WDHD1: variants seen among roughly 807,000 people sequenced by gnomAD.
WDHD1 encodes the protein WD repeat and HMG-box DNA binding protein 1.
In WDHD1, 111 loss-of-function variants were observed where a neutral mutation model predicts 135.4. The observed-to-expected ratio is 0.82, with a 90% CI of 0.70 to 0.96. WDHD1 has a LOEUF of 0.96. WDHD1 is among the 40% of genes least tolerant of loss of function. The pLI is 0.00. For missense variants in WDHD1, 1,351 were observed against 1,336.3 expected (o/e 1.01, Z -0.17); for synonymous variants, 434 against 439.0 (o/e 0.99, Z 0.14).
rs1448698525 is a variant in WDHD1 at position 55,007,703 on chromosome 14, AT to A, written c.505-329del. ...AAAAATAAAACTTCAATGGTCTACT[AT>A]AAAATGTTAAAGTGTCAAAGTCGCT... is the stretch of plus-strand genomic sequence containing the variant. On this transcript the variant is annotated intron_variant, in intron 6 of 25. Coordinates refer to ENST00000360586, the MANE Select transcript of WDHD1 (RefSeq NM_007086.4). Among the ~76,000 whole-genome samples the A allele has an allele frequency of 9.2e-5, 14 of 152,364 alleles. No homozygotes were observed. The East Asian group carries it at 2.7e-3, about 29-fold the overall frequency.
Position 54,939,582 on chromosome 14 carries a change from T to A in WDHD1, c.*1908A>T, listed in dbSNP as rs1269004804. The A allele has an allele frequency of 7.6e-5, 1 of 13,090 alleles. No individual in the cohort carries two copies. Among genetic ancestry groups the A allele is most frequent in the African/African-American group, 2.2e-4 (1 of 4,564 alleles). 0.8% of individuals were successfully genotyped at this position (13,090 alleles called of 1,614,324 possible). On this transcript the variant is annotated 3_prime_UTR_variant, in exon 26 of 26. Coordinates refer to ENST00000360586, the MANE Select transcript of WDHD1 (RefSeq NM_007086.4). ...CTTTCATACTATTCAGTCCCAATTC[T>A]CTGGAAAAAAAAAAAAGAACACTGG...
At chr14:55,005,714 T>C (rs1248376862) in intron 7 of WDHD1, 4 of 454,102 alleles carry the variant, frequency 8.8e-6, no homozygotes, top group African/African-American at 2.0e-5. Context: ...TAAGTTACGA[T>C]GGGAATCCAG....
chr14:55,024,672 T>C (rs929277695), intron 2 of WDHD1, among the ~76,000 whole-genome samples: 13 of 150,138 alleles, frequency 8.7e-5, no homozygotes, highest in Admixed American at 2.7e-4. Flanking sequence ...TGTTAATCTA[T>C]AACCTTACCC....
intron 4 of WDHD1, 107 bp downstream of exon 4, chr14:55,010,202 C>T: frequency 3.3e-6 from 4 of 1,216,760 alleles, no homozygotes. Context: ...GAAGAAACAA[C>T]AAACAACAAA....
chr14:54,992,101 T>C (rs897005522), intron 11 of WDHD1, among the ~76,000 whole-genome samples: 4 of 150,786 alleles, frequency 2.7e-5, no homozygotes, highest in African/African-American at 9.8e-5. Flanking sequence ...CTACTGAAAA[T>C]ACAAAAATTA....
At chr14:54,957,659 C>T (rs768469483) in intron 21 of WDHD1, 24 bp from the exon 22 acceptor site, 5 of 1,593,914 alleles carry the variant, frequency 3.1e-6, no homozygotes, top group Middle Eastern at 1.7e-4. Context: ...GAAACCCTTG[C>T]TTAATAATGG....
chr14:54,995,694 T>G lies in WDHD1; in HGVS notation c.1062A>C (p.Ile354=). 6.2e-7 allele frequency: 1 copy of G among 1,613,908 alleles called. No homozygotes were observed. Among genetic ancestry groups the G allele is most frequent in the Non-Finnish European group, 8.5e-7 (1 of 1,179,936 alleles). The change falls in exon 11 of 26, where the codon ATA becomes ATC. Residue 354 remains isoleucine, a synonymous_variant. Coordinates refer to ENST00000360586, the MANE Select transcript of WDHD1 (RefSeq NM_007086.4). The part of the protein sequence containing the change: ...VEIPSFSKGI[I]NDDEDDEDLM... ...GGTCTTCATCATCCTCATCATCATT[T>G]ATAATCCCTTTTGAAAAAGAAGGGA...
intron 7 of WDHD1, among the ~76,000 whole-genome samples, chr14:55,007,025 G>T (rs1045360299): frequency 6.6e-6 from 1 of 151,778 alleles, no homozygotes; most frequent in African/African-American, 2.4e-5. Flanking sequence ...TCAGGAGTTC[G>T]AGACCAGCCT....
intron 2 of WDHD1, 58 bp from the exon 3 acceptor site, chr14:55,013,654 C>A (rs2042212007): frequency 5.9e-6 from 8 of 1,357,254 alleles, no homozygotes; most frequent in Admixed American, 1.7e-5. Context: ...GCCTATAATG[C>A]TAGCACTTTG....
At chr14:54,956,337 C>A (rs1425686071) in intron 23 of WDHD1, among the ~76,000 whole-genome samples, 1 of 151,954 alleles carries the variant, frequency 6.6e-6, no homozygotes, top group Non-Finnish European at 1.5e-5. Flanking sequence ...TCTGTAAAAA[C>A]AAGGAGAGGG....
chr14:54,984,823 T>C lies in WDHD1; in HGVS notation c.1806A>G (p.Gln602=). ...GFDGDQCLGV[Q]LLELGKKKKQ... ...TTTTCTTTTTCCCCAGCTCTAGCAGTTGAACTCCAAGGCACTGATCCCCAT... is the reference window on the plus strand; with the variant it reads ...TTTTCTTTTTCCCCAGCTCTAGCAGCTGAACTCCAAGGCACTGATCCCCAT... The change falls in exon 15 of 26, where the codon CAA becomes CAG. Residue 602 remains glutamine, a synonymous_variant. Transcript: ENST00000360586. 6.2e-7 allele frequency: 1 copy of C among 1,613,762 alleles called. No individual in the cohort carries two copies. Among genetic ancestry groups the C allele is most frequent in the Non-Finnish European group, 8.5e-7 (1 of 1,179,886 alleles).
At position 55,010,310 on chromosome 14, in the gene WDHD1, T is replaced by A. The variant is rs2042147970; in HGVS notation, c.340A>T (p.Ser114Cys). The change falls in exon 4 of 26, where the codon AGT becomes TGT. Residue 114 changes from serine to cysteine, a missense_variant and splice_region_variant. This residue lies in a region of WDHD1 where 1,330 missense variants were observed against 1,296.1 expected (regional missense o/e 1.03). Coordinates refer to ENST00000360586, the MANE Select transcript of WDHD1 (RefSeq NM_007086.4). ...GDGTKIAAGS[S>C]DFLVKIVDVM... Reference sequence around the variant, plus strand: ...TTTTCTGATGTCAAAGAGCCTTACCTAGATCCAGCAGCAATTTTAGTACCA... The same window carrying A: ...TTTTCTGATGTCAAAGAGCCTTACCAAGATCCAGCAGCAATTTTAGTACCA... 1 of 1,598,294 alleles carries A rather than the reference T, an allele frequency of 6.3e-7. No homozygotes were observed. The highest frequency in any genetic ancestry group is 1.4e-5 in the African/African-American group (1 of 74,048).
intron 16 of WDHD1, among the ~76,000 whole-genome samples, chr14:54,977,527 G>A (rs1355255943): frequency 6.6e-6 from 1 of 152,128 alleles, no homozygotes; most frequent in African/African-American, 2.4e-5. Flanking sequence ...GCGAGACTGT[G>A]TCTCAATAAA....
intron 21 of WDHD1, among the ~76,000 whole-genome samples, chr14:54,959,427 G>A (rs1253585195): frequency 1.4e-5 from 2 of 144,140 alleles, no homozygotes; most frequent in Admixed American, 6.9e-5. Context: ...GAGGGAAGAA[G>A]GAAGGGAGGG....
chr14:55,001,941 T>C lies in WDHD1; in HGVS notation c.693+152A>G. On this transcript the variant is annotated intron_variant, in intron 8 of 25. Coordinates refer to ENST00000360586, the MANE Select transcript of WDHD1 (RefSeq NM_007086.4). ...ATTTAGTATCCAGTTATTGATCAAA[T>C]GAAGAAAGGATGAGCTGTTAGAAGA... The C allele has an allele frequency of 4.9e-6, 3 of 607,796 alleles. No homozygotes were observed. The South Asian group carries it at 6.2e-5, about 13-fold the overall frequency. 37.7% of individuals were successfully genotyped at this position (607,796 alleles called of 1,614,324 possible). A position where few individuals can be genotyped will look rare whatever the true frequency, so the allele number is the denominator to read the frequency against.
chr14:54,960,766 A>G (rs2041238751), intron 21 of WDHD1, among the ~76,000 whole-genome samples: 1 of 150,214 alleles, frequency 6.7e-6, no homozygotes, highest in Non-Finnish European at 1.5e-5. Flanking sequence ...TCGGCCTCCC[A>G]AAGTGCTGGA....
rs2040835264 is a variant in WDHD1 at position 54,941,411 on chromosome 14, GAGTTTCCCAA to G, written c.*69_*78del. Reference sequence around the variant, plus strand: ...ACTCTTTAAAAAATATATATATAATGAGTTTCCCAAAGACTCGAGTCTATATTCAAAGATG... The same window carrying G: ...ACTCTTTAAAAAATATATATATAATGAGACTCGAGTCTATATTCAAAGATG... On this transcript the variant is annotated 3_prime_UTR_variant, in exon 26 of 26. Transcript: ENST00000360586. 2.6e-6 allele frequency: 3 copies of G among 1,166,622 alleles called. No individual in the cohort carries two copies. In the East Asian group the frequency reaches 7.6e-5, roughly 30 times the overall value. 72.3% of individuals were successfully genotyped at this position (1,166,622 alleles called of 1,614,324 possible).
At chr14:54,950,643 A>C (rs1283720029) in intron 24 of WDHD1, among the ~76,000 whole-genome samples, 3 of 152,148 alleles carry the variant, frequency 2.0e-5, no homozygotes, top group African/African-American at 7.2e-5. Flanking sequence ...TGCACCAAGC[A>C]GACCTAACAG....
At chr14:54,969,196 G>A (rs1022022564) in intron 16 of WDHD1, among the ~76,000 whole-genome samples, 2 of 151,912 alleles carry the variant, frequency 1.3e-5, no homozygotes, top group South Asian at 2.1e-4. Context: ...CCACCACCAC[G>A]CCCAGCTAAT....
Sources: gnomAD v4.1 joint callset for allele counts (sites outside exome capture counted in the v4.1 genomes callset) on GRCh38, gnomAD v4.1.1 for gene constraint, gnomAD v4.1.1 regional missense constraint, MANE v1.5 for transcripts, NCBI Gene and HGNC (gene_info 2026-07-23, HGNC 2026-07-21) for gene names.